The following DCLK1 variants were observed in gnomAD, a reference collection of about 807,000 sequenced individuals.
DCLK1 encodes the protein serine/threonine-protein kinase DCLK1.
A neutral mutation model predicts 86.2 loss-of-function variants in DCLK1; 16 were observed. The observed-to-expected ratio is 0.19, with a 90% confidence interval of 0.13 to 0.28. The LOEUF is 0.28. Ranked by LOEUF, DCLK1 falls within the 10% of genes least tolerant of loss-of-function variation. DCLK1 has a pLI of 1.00. For missense variants in DCLK1, 590 were observed against 940.2 expected (o/e 0.63, Z 4.87); for synonymous variants, 369 against 370.5 (o/e 1.00, Z 0.05).
At chr13:36,066,863 A>G (rs1241014455) in intron 3 of DCLK1, among the ~76,000 whole-genome samples, 1 of 151,532 alleles carries the variant, frequency 6.6e-6, no homozygotes, top group African/African-American at 2.4e-5. Flanking sequence ...ATGAGATACC[A>G]TCTCACACCA....
At chr13:35,833,933 G>A (rs989168864) in intron 8 of DCLK1, among the ~76,000 whole-genome samples, 9 of 152,138 alleles carry the variant, frequency 5.9e-5, no homozygotes, top group African/African-American at 1.4e-4. Flanking sequence ...GTGAACTCAC[G>A]CAAAACAAAC....
chr13:35,960,643 A>G (rs1410250738), intron 3 of DCLK1, among the ~76,000 whole-genome samples: 3 of 152,172 alleles, frequency 2.0e-5, no homozygotes, highest in Non-Finnish European at 2.9e-5. Flanking sequence ...ATTTGTAGAC[A>G]TGGGGTCTCA....
chr13:35,969,809 T>C (rs957342042), intron 3 of DCLK1, among the ~76,000 whole-genome samples: 5 of 152,128 alleles, frequency 3.3e-5, no homozygotes, highest in African/African-American at 1.2e-4. Context: ...CCCGATGTAA[T>C]AGTATTGAGA....
chr13:36,101,737 T>C (rs112121915), intron 3 of DCLK1, among the ~76,000 whole-genome samples: 1,639 of 151,566 alleles, frequency 0.011, 27 homozygotes, highest in African/African-American at 0.038. Context: ...TTTTTATTTA[T>C]TTAATTTTTT....
chr13:35,900,424 T>C (rs1461726215), intron 4 of DCLK1, among the ~76,000 whole-genome samples: 1 of 152,076 alleles, frequency 6.6e-6, no homozygotes, highest in Non-Finnish European at 1.5e-5. Context: ...GTATTTTTAG[T>C]AGAGATAGGG....
At position 36,095,260 on chromosome 13, in the gene DCLK1, C is replaced by T. The variant is rs376628799; in HGVS notation, c.723+16609G>A. Among the ~76,000 whole-genome samples the T allele has an allele frequency of 6.6e-5, 10 of 151,170 alleles. No homozygotes were observed. In the South Asian group the frequency reaches 2.1e-3, roughly 32 times the overall value. On this transcript the variant is annotated intron_variant, in intron 3 of 16. Transcript: ENST00000360631. Reference sequence around the variant, plus strand: ...TCACTCTGTCGCCCAGGCTAGAGTGCCGTGATGTGATCTTGGCTCACTGCA... The same window carrying T: ...TCACTCTGTCGCCCAGGCTAGAGTGTCGTGATGTGATCTTGGCTCACTGCA...
chr13:35,988,483 G>A (rs1220588583), intron 3 of DCLK1, among the ~76,000 whole-genome samples: 1 of 152,148 alleles, frequency 6.6e-6, no homozygotes, highest in Non-Finnish European at 1.5e-5. Context: ...TCATAGTGTT[G>A]GGGGAGGGAA....
chr13:36,008,381 T>G (rs1270440556), intron 3 of DCLK1, among the ~76,000 whole-genome samples: 1 of 63,124 alleles, frequency 1.6e-5, no homozygotes, highest in African/African-American at 6.7e-5. Flanking sequence ...CCCTCCCCCC[T>G]CCCCACCACA....
intron 4 of DCLK1, among the ~76,000 whole-genome samples, chr13:35,943,948 A>C (rs529442259): frequency 3.3e-5 from 5 of 152,276 alleles, no homozygotes; most frequent in Admixed American, 6.5e-5. Context: ...CTCTATCTAT[A>C]GTGCACTAGC....
rs1447318250 is a variant in DCLK1, at chr13:35,839,845, A to G, written c.1036-669T>C. 1.3e-5 allele frequency among the ~76,000 whole-genome samples: 2 copies of G among 152,224 alleles called. 1 individual carries two copies. The highest frequency in any genetic ancestry group is 6.3e-3 in the Middle Eastern group (2 of 316). ...TGAAAGCAAACAGGGTAACAACTGT[A>G]TGAGAGAGCTCAGAGGAAAAAACAG... On this transcript the variant is annotated intron_variant, in intron 6 of 16. Transcript: ENST00000360631.
intron 3 of DCLK1, among the ~76,000 whole-genome samples, chr13:35,996,130 T>C (rs1426146045): frequency 6.6e-6 from 1 of 152,146 alleles, no homozygotes; most frequent in African/African-American, 2.4e-5. Flanking sequence ...GGCTTCACCA[T>C]GTTGGTCATG....
chr13:35,925,674 A>C (rs1381272558), intron 4 of DCLK1, among the ~76,000 whole-genome samples: 1 of 152,176 alleles, frequency 6.6e-6, no homozygotes, highest in Non-Finnish European at 1.5e-5. Context: ...TGTTAATTTT[A>C]TTATCTTTGA....
chr13:35,896,219 A>G (rs1000591345), intron 4 of DCLK1, among the ~76,000 whole-genome samples: 3 of 152,180 alleles, frequency 2.0e-5, no homozygotes, highest in African/African-American at 7.2e-5. Flanking sequence ...ACAACAAAGA[A>G]AAGTAAAAGT....
chr13:36,048,988 A>T (rs550933901), intron 3 of DCLK1, among the ~76,000 whole-genome samples: 121 of 152,040 alleles, frequency 8.0e-4, no homozygotes, highest in African/African-American at 2.8e-3. Flanking sequence ...GTAATTTCCT[A>T]CCCATGATGA....
At chr13:35,907,380 C>G (rs1436501202) in intron 4 of DCLK1, among the ~76,000 whole-genome samples, 1 of 152,048 alleles carries the variant, frequency 6.6e-6, no homozygotes, top group Non-Finnish European at 1.5e-5. Flanking sequence ...CCAGGCTGGT[C>G]TCGAACTCCT....
chr13:36,107,799 G>C (rs1342994024), intron 3 of DCLK1, among the ~76,000 whole-genome samples: 4 of 152,120 alleles, frequency 2.6e-5, no homozygotes, highest in Non-Finnish European at 5.9e-5. Context: ...GGGTATCTTT[G>C]TAGCAAATCT....
chr13:36,100,714 G>A (rs1394644568), intron 3 of DCLK1, among the ~76,000 whole-genome samples: 2 of 152,072 alleles, frequency 1.3e-5, no homozygotes, highest in African/African-American at 2.4e-5. Context: ...CTAAGTCATG[G>A]GCAGCCCCTG....
intron 3 of DCLK1, among the ~76,000 whole-genome samples, chr13:36,030,598 T>G (rs1882231557): frequency 6.6e-6 from 1 of 151,790 alleles, no homozygotes; most frequent in African/African-American, 2.4e-5. Context: ...TGAGCCACCA[T>G]GCCTGACCCA....
At chr13:35,998,996 T>C (rs1880592983) in intron 3 of DCLK1, among the ~76,000 whole-genome samples, 1 of 152,218 alleles carries the variant, frequency 6.6e-6, no homozygotes, top group Non-Finnish European at 1.5e-5. Context: ...GGCTCACGCC[T>C]GTAATCCCAG....
Sources: allele counts gnomAD v4.1 joint callset (sites outside exome capture counted in the v4.1 genomes callset), GRCh38; gene constraint gnomAD v4.1.1; transcripts MANE v1.5; gene names NCBI Gene and HGNC (gene_info 2026-07-23, HGNC 2026-07-21).